The following GPATCH2 variants were observed in gnomAD, a reference collection of about 807,000 sequenced individuals.
GPATCH2 encodes the protein G-patch domain containing 2, also known as G patch domain-containing protein 2.
In GPATCH2, 51 loss-of-function variants were observed where a neutral mutation model predicts 58.0. That is an observed-to-expected ratio of 0.88 (90% confidence interval 0.70 to 1.11). The LOEUF (loss-of-function observed/expected upper bound fraction) is 1.11. Among genes scored for constraint, GPATCH2 ranks in the 50% most tolerant of loss-of-function variants. The pLI, the probability that GPATCH2 is intolerant of heterozygous loss-of-function variation, is 0.00. For synonymous variants in GPATCH2, 222 were observed against 218.5 expected, an observed-to-expected ratio of 1.02 and a Z score of -0.14; for missense variants, 625 against 652.2, an observed-to-expected ratio of 0.96 and a Z score of 0.45.
intron 5 of GPATCH2, among the ~76,000 whole-genome samples, chr1:217,605,929 A>G (rs1668340906): frequency 6.6e-6 from 1 of 152,146 alleles, no homozygotes; most frequent in Admixed American, 6.6e-5. Context: ...CCTGGATAAT[A>G]GCCTCCACAT....
intron 7 of GPATCH2, among the ~76,000 whole-genome samples, chr1:217,494,778 T>A (rs1033896328): frequency 8.6e-5 from 13 of 151,966 alleles, no homozygotes; most frequent in African/African-American, 2.7e-4. Flanking sequence ...TATTTTTTTT[T>A]AAAGTCAGAT....
At chr1:217,462,433 G>A (rs1288988612) in intron 8 of GPATCH2, among the ~76,000 whole-genome samples, 1 of 151,920 alleles carries the variant, frequency 6.6e-6, no homozygotes, top group African/African-American at 2.4e-5. Context: ...AGAATCAACA[G>A]TTTTGACTAA....
At chr1:217,448,903 A>G (rs551110079) in intron 9 of GPATCH2, among the ~76,000 whole-genome samples, 2 of 152,092 alleles carry the variant, frequency 1.3e-5, no homozygotes, top group South Asian at 2.1e-4. Flanking sequence ...ATTACTATTA[A>G]TCTCTTCTGG....
At chr1:217,607,211 T>C (rs985104612) in intron 5 of GPATCH2, among the ~76,000 whole-genome samples, 7 of 152,216 alleles carry the variant, frequency 4.6e-5, no homozygotes, top group Non-Finnish European at 8.8e-5. Context: ...TTTGTAGTCA[T>C]TCAGTAACAT....
In GPATCH2 at chr1:217,496,371, C is replaced by T. The variant is rs527342050; in HGVS notation, c.1206+1985G>A. ...CCAGCTGAGCTCCAGCCAGGTGACACGGCCTTGTTTCAAGCTCTCATAGTA... is the reference window on the plus strand; with the variant it reads ...CCAGCTGAGCTCCAGCCAGGTGACATGGCCTTGTTTCAAGCTCTCATAGTA... On this transcript the variant is annotated intron_variant, in intron 7 of 9. Transcript: ENST00000366935. 4.6e-5 allele frequency among the ~76,000 whole-genome samples: 7 copies of T among 152,282 alleles called. No homozygotes were observed. In the Middle Eastern group the frequency reaches 0.014, roughly 296 times the overall value.
chr1:217,464,641 C>A (rs1044215231), intron 8 of GPATCH2, among the ~76,000 whole-genome samples: 7 of 152,048 alleles, frequency 4.6e-5, no homozygotes, highest in African/African-American at 1.7e-4. Flanking sequence ...TGGAGCAGAA[C>A]AGAGGCCAAG....
chr1:217,582,616 T>C (rs548457477), intron 5 of GPATCH2, among the ~76,000 whole-genome samples: 6 of 152,290 alleles, frequency 3.9e-5, no homozygotes, highest in African/African-American at 7.2e-5. Flanking sequence ...GTATAAAACA[T>C]TGCAGTAATG....
In GPATCH2 at chr1:217,610,928, T is replaced by C. The variant is rs1668589682; in HGVS notation, c.979A>G (p.Thr327Ala). The C allele has an allele frequency of 6.2e-7, 1 of 1,613,384 alleles. No homozygotes were observed. The highest frequency in any genetic ancestry group is 8.5e-7 in the Non-Finnish European group (1 of 1,179,716). Reference protein sequence around the residue: ...VPDPVFESILTGSFPLMSHPS... With the variant: ...VPDPVFESILAGSFPLMSHPS... The stretch of plus-strand genomic sequence containing the variant: ...TGTGACATAAGGGGAAAAGAACCAG[T>C]TAAGATACTTTCAAAGACAGGATCT... The change falls in exon 4 of 10, where the codon ACT becomes GCT. Residue 327 changes from threonine to alanine, a missense_variant. By Grantham distance (58) the Thr-to-Ala change is moderately conservative (BLOSUM62 0). Coordinates refer to ENST00000366935, the MANE Select transcript of GPATCH2 (RefSeq NM_018040.5).
At chr1:217,494,235 A>G (rs1287344679) in intron 7 of GPATCH2, among the ~76,000 whole-genome samples, 1 of 152,220 alleles carries the variant, frequency 6.6e-6, no homozygotes, top group East Asian at 1.9e-4. Flanking sequence ...CAATGCATCT[A>G]TATGTATAAA....
intron 8 of GPATCH2, among the ~76,000 whole-genome samples, chr1:217,461,786 T>C (rs1231015749): frequency 6.6e-6 from 1 of 152,188 alleles, no homozygotes; most frequent in African/African-American, 2.4e-5. Context: ...AATGTTTCCC[T>C]TTCTACATAA....
chr1:217,542,053 T>C (rs937754146), intron 5 of GPATCH2, among the ~76,000 whole-genome samples: 1 of 152,172 alleles, frequency 6.6e-6, no homozygotes, highest in Non-Finnish European at 1.5e-5. Context: ...AACTTGCTTT[T>C]TGGTAAAAAA....
intron 8 of GPATCH2, among the ~76,000 whole-genome samples, chr1:217,486,911 T>C (rs538883642): frequency 6.6e-6 from 1 of 152,326 alleles, no homozygotes; most frequent in East Asian, 1.9e-4. Context: ...ATCTTTCACC[T>C]AGTTCCATGA....
chr1:217,573,094 T>C (rs1395707073), intron 5 of GPATCH2, among the ~76,000 whole-genome samples: 4 of 152,190 alleles, frequency 2.6e-5, no homozygotes, highest in African/African-American at 9.6e-5. Context: ...AAAATGACAC[T>C]TTTTAAAGTC....
intron 5 of GPATCH2, among the ~76,000 whole-genome samples, chr1:217,568,748 G>A (rs1333304798): frequency 6.6e-6 from 1 of 152,194 alleles, no homozygotes; most frequent in Non-Finnish European, 1.5e-5. Context: ...TTGTAAGCTA[G>A]TACAGGATTT....
intron 5 of GPATCH2, among the ~76,000 whole-genome samples, chr1:217,579,681 A>C (rs1402085482): frequency 4.6e-5 from 7 of 152,176 alleles, no homozygotes; most frequent in Non-Finnish European, 1.0e-4. Context: ...ATATAAGGCA[A>C]TCTTTACAAT....
rs529389962 is a variant in GPATCH2, at chr1:217,620,325, A to G, written c.231T>C (p.Asn77=). The stretch of plus-strand genomic sequence containing the variant: ...GACCAGTCTCCCACGGGTGATGCAC[A>G]TTATACGACCTCCGTTTTCTCCCTC... ...KRRGRKRRSY[N]VHHPWETGHC... Residue 77 remains asparagine (N), a synonymous_variant, in exon 2 of 10, where the codon AAT becomes AAC. Coordinates refer to ENST00000366935, the MANE Select transcript of GPATCH2 (RefSeq NM_018040.5). 1.9e-6 allele frequency: 3 copies of G among 1,614,086 alleles called. No individual in the cohort carries two copies. The highest frequency in any genetic ancestry group is 1.3e-5 in the African/African-American group (1 of 75,020).
At chr1:217,579,489 C>A (rs76876704) in intron 5 of GPATCH2, among the ~76,000 whole-genome samples, 3 of 151,956 alleles carry the variant, frequency 2.0e-5, no homozygotes, top group African/African-American at 7.2e-5. Context: ...TCAATACATT[C>A]AGAATGAAAG....
intron 8 of GPATCH2, among the ~76,000 whole-genome samples, chr1:217,456,218 C>T (rs1659936228): frequency 1.3e-5 from 2 of 152,182 alleles, no homozygotes; most frequent in Non-Finnish European, 2.9e-5. Context: ...CACTGTAACA[C>T]ACACCATGCC....
intron 8 of GPATCH2, among the ~76,000 whole-genome samples, chr1:217,483,563 TTTAAGTATTCACGTGGAA>T (rs1382628595): frequency 6.6e-6 from 1 of 152,188 alleles, no homozygotes; most frequent in Non-Finnish European, 1.5e-5. Flanking sequence ...GTACAAGTCT[TTTAAGTATTCACGTGGAA>T]TGCATAGTAG....
Sources: gnomAD v4.1 joint callset for allele counts (sites outside exome capture counted in the v4.1 genomes callset) on GRCh38, gnomAD v4.1.1 for gene constraint, MANE v1.5 for transcripts, NCBI Gene and HGNC (gene_info 2026-07-23, HGNC 2026-07-21) for gene names.